CYP7B1: variants seen among roughly 807,000 people sequenced by gnomAD.
The protein encoded by CYP7B1 is cytochrome P450 family 7 subfamily B member 1.
In CYP7B1, 29 loss-of-function variants were observed where a neutral mutation model predicts 42.7. The observed-to-expected ratio is 0.68, with a 90% CI of 0.51 to 0.93. The LOEUF (loss-of-function observed/expected upper bound fraction) is 0.93. Among genes scored for constraint, CYP7B1 ranks in the 40% least tolerant of loss-of-function variants. The pLI is 0.00. For synonymous variants in CYP7B1, 235 were observed against 218.2 expected (o/e 1.08, Z -0.68); for missense variants, 655 against 600.5 (o/e 1.09, Z -0.95).
intron 1 of CYP7B1, among the ~76,000 whole-genome samples, chr8:64,698,963 C>A (rs1168045504): frequency 6.6e-6 from 1 of 152,078 alleles, no homozygotes; most frequent in African/African-American, 2.4e-5. Context: ...AAGCCAGATG[C>A]CCTCTAATCA....
chr8:64,706,187 A>C (rs984312117), intron 1 of CYP7B1, among the ~76,000 whole-genome samples: 3 of 152,072 alleles, frequency 2.0e-5, no homozygotes, highest in Non-Finnish European at 4.4e-5. Context: ...TGACTTTGAG[A>C]TAAAAGGATA....
In CYP7B1 at chr8:64,687,504, G is replaced by T. The variant is rs1806674141; in HGVS notation, c.123-62965C>A. Among the ~76,000 whole-genome samples, 2 of 152,142 alleles carry T rather than the reference G, an allele frequency of 1.3e-5. 1 individual carries two copies. The highest frequency in any genetic ancestry group is 4.1e-4 in the South Asian group (2 of 4,820). ...AATGAAAATGTTCTAAAAAAAACCT[G>T]ATGAATTGTACACTTGGAAATAGTG... On this transcript the variant is annotated intron_variant, in intron 1 of 5. Transcript: ENST00000310193.
chr8:64,688,318 T>C (rs1806687133), intron 1 of CYP7B1, among the ~76,000 whole-genome samples: 1 of 152,234 alleles, frequency 6.6e-6, no homozygotes, highest in East Asian at 1.9e-4. Context: ...TAAAAACCTT[T>C]TAAAACTAGC....
intron 1 of CYP7B1, among the ~76,000 whole-genome samples, chr8:64,665,885 A>G (rs751796239): frequency 2.6e-5 from 4 of 152,084 alleles, no homozygotes; most frequent in Non-Finnish European, 4.4e-5. Context: ...TTAAGTTTTA[A>G]TAAGATCTCT....
intron 1 of CYP7B1, among the ~76,000 whole-genome samples, chr8:64,797,776 A>G (rs1389908173): frequency 6.6e-6 from 1 of 152,246 alleles, no homozygotes; most frequent in Non-Finnish European, 1.5e-5. Flanking sequence ...ACCCAGAAAG[A>G]AAGGAAAAAC....
chr8:64,601,845 C>T (rs1390237822), intron 5 of CYP7B1, among the ~76,000 whole-genome samples: 2 of 152,118 alleles, frequency 1.3e-5, no homozygotes, highest in Admixed American at 6.6e-5. Flanking sequence ...CAGAAGTAGC[C>T]AGTGGTCCTA....
At chr8:64,705,365 T>C (rs919041523) in intron 1 of CYP7B1, among the ~76,000 whole-genome samples, 6 of 152,066 alleles carry the variant, frequency 3.9e-5, no homozygotes, top group African/African-American at 1.4e-4. Context: ...CAGTCATTAT[T>C]CTCATTGTCT....
chr8:64,771,003 T>C (rs963076903), intron 1 of CYP7B1, among the ~76,000 whole-genome samples: 1 of 144,824 alleles, frequency 6.9e-6, no homozygotes, highest in Non-Finnish European at 1.5e-5. Context: ...ACTTCCTCAA[T>C]CTTCACTAAT....
chr8:64,694,557 C>G (rs964879401), intron 1 of CYP7B1, among the ~76,000 whole-genome samples: 9 of 152,060 alleles, frequency 5.9e-5, no homozygotes, highest in Admixed American at 2.6e-4. Flanking sequence ...TGTGCTGGTC[C>G]ACAGTGAGAG....
intron 1 of CYP7B1, among the ~76,000 whole-genome samples, chr8:64,791,495 A>T (rs1349703419): frequency 6.6e-6 from 1 of 152,092 alleles, no homozygotes; most frequent in South Asian, 2.1e-4. Context: ...CGTAGGAGAG[A>T]GATTTAGAGA....
At chr8:64,685,908 C>A (rs1340880235) in intron 1 of CYP7B1, among the ~76,000 whole-genome samples, 1 of 37,594 alleles carries the variant, frequency 2.7e-5, no homozygotes, top group Non-Finnish European at 5.5e-5. Flanking sequence ...CCAGCCGTGC[C>A]GTCCGGGAGG....
intron 1 of CYP7B1, among the ~76,000 whole-genome samples, chr8:64,748,678 G>C (rs189160231): frequency 3.5e-4 from 53 of 152,204 alleles, no homozygotes; most frequent in African/African-American, 1.2e-3. Context: ...GACTACGCCT[G>C]TTCTCAGTCT....
rs778365454 is a variant in CYP7B1, at chr8:64,615,046, A to G, written c.1037T>C (p.Leu346Ser). The change falls in exon 4 of 6, where the codon TTG becomes TCG. Residue 346 changes from leucine to serine, a missense_variant. Transcript: ENST00000310193. ...ATTACCTAGGCAGATTAGGCTGTCC[A>G]ATTGTTCTCTGGTGAGGTGGATGGG... ...GFPIHLTREQ[L>S]DSLICLESSI... 3 of 1,613,676 alleles carry G rather than the reference A, an allele frequency of 1.9e-6. No homozygotes were observed. In the East Asian group the frequency reaches 6.7e-5, roughly 36 times the overall value.
At chr8:64,652,188 C>A (rs1386997780) in intron 1 of CYP7B1, among the ~76,000 whole-genome samples, 1 of 152,212 alleles carries the variant, frequency 6.6e-6, no homozygotes, top group Non-Finnish European at 1.5e-5. Context: ...TGATTCCAAA[C>A]TTTCGTTATT....
At chr8:64,723,462 G>A (rs956739793) in intron 1 of CYP7B1, among the ~76,000 whole-genome samples, 13 of 152,156 alleles carry the variant, frequency 8.5e-5, no homozygotes, top group Non-Finnish European at 1.6e-4. Context: ...GTTCAGCAGG[G>A]AAATTCACAA....
chr8:64,734,627 AC>A (rs1807459920), intron 1 of CYP7B1, among the ~76,000 whole-genome samples: 1 of 152,208 alleles, frequency 6.6e-6, no homozygotes, highest in South Asian at 2.1e-4. Flanking sequence ...GGGGACATAA[AC>A]ATGCAAGCCA....
chr8:64,686,101 T>TG (rs1563390873), intron 1 of CYP7B1, among the ~76,000 whole-genome samples: 4 of 72,288 alleles, frequency 5.5e-5, no homozygotes, highest in South Asian at 5.4e-4. Context: ...GGGAGGGAGG[T>TG]GGGGGGGTCA....
intron 1 of CYP7B1, among the ~76,000 whole-genome samples, chr8:64,688,256 G>A (rs1287107083): frequency 1.3e-5 from 2 of 152,186 alleles, no homozygotes; most frequent in South Asian, 2.1e-4. Context: ...TCTTCTCTCT[G>A]AGCAAAGCTT....
Position 64,599,472 on chromosome 8 carries a change from G to A in CYP7B1, c.1234-2543C>T, listed in dbSNP as rs192518399. On this transcript the variant is annotated intron_variant, in intron 5 of 5. Transcript: ENST00000310193. ...CAAAGTGCTGGGGTTACAGGTGTGA[G>A]CCACTGTGTCCGGCCGCTGATTGAA... Among the ~76,000 whole-genome samples, 202 of 152,346 alleles carry A rather than the reference G, an allele frequency of 1.3e-3. 1 individual carries two copies. Among genetic ancestry groups the A allele is most frequent in the Middle Eastern group, 6.8e-3 (2 of 294 alleles).
Sources: allele counts gnomAD v4.1 joint callset (sites outside exome capture counted in the v4.1 genomes callset), GRCh38; gene constraint gnomAD v4.1.1; transcripts MANE v1.5; gene names NCBI Gene and HGNC (gene_info 2026-07-23, HGNC 2026-07-21).